Variants in DYM observed in about 807,000 individuals in gnomAD.
DYM encodes the protein dyggve-Melchior-Clausen syndrome protein.
Under a neutral mutation model 93.1 loss-of-function variants are expected in DYM, and 78 were observed. The ratio of observed to expected loss-of-function variants is 0.84; its 90% confidence interval spans 0.70 to 1.01. The LOEUF (loss-of-function observed/expected upper bound fraction) is 1.01, where lower values mean the gene tolerates loss of function less well. DYM is among the 50% of genes least tolerant of loss of function. The pLI is 0.00. For missense variants in DYM, 789 were observed against 845.0 expected, an observed-to-expected ratio of 0.93 and a Z score of 0.82; for synonymous variants, 321 against 319.7, an observed-to-expected ratio of 1.00 and a Z score of -0.04.
chr18:49,080,353 C>T (rs1293445265), intron 17 of DYM, among the ~76,000 whole-genome samples: 1 of 138,152 alleles, frequency 7.2e-6, no homozygotes, highest in Non-Finnish European at 1.6e-5. Flanking sequence ...CCCCCAACTC[C>T]CTCCCGGACG....
At position 49,221,338 on chromosome 18, in the gene DYM, G is replaced by A. The variant is rs1157897227; in HGVS notation, c.1461-11623C>T. ...GTAAACTAGTTCAACCATTGTGGAA[G>A]TCGGTGTGGCGATTCCTCAGGGATC... On this transcript the variant is annotated intron_variant, in intron 13 of 17. Transcript: ENST00000675505. Among the ~76,000 whole-genome samples, 3 of 152,118 alleles carry A rather than the reference G, an allele frequency of 2.0e-5. No homozygotes were observed. In the East Asian group the frequency reaches 5.8e-4, roughly 29 times the overall value.
In DYM at chr18:49,197,233, G is replaced by A. The variant is rs947115448; in HGVS notation, c.1625+12318C>T. On this transcript the variant is annotated intron_variant, in intron 14 of 17. Transcript: ENST00000675505. ...ATTTGGAACATATTGGCATGTGGAT[G>A]TCATGTAAAGTCATAGAAATTGATG... 2.0e-5 allele frequency among the ~76,000 whole-genome samples: 3 copies of A among 152,108 alleles called. No individual in the cohort carries two copies. The East Asian group carries it at 5.8e-4, about 29-fold the overall frequency.
chr18:49,272,134 C>G (rs767529792), intron 11 of DYM, 44 bp downstream of exon 11: 27 of 1,583,834 alleles, frequency 1.7e-5, no homozygotes, highest in Admixed American at 5.0e-5. Context: ...AGGGACATGT[C>G]TGTTCTGTTA....
chr18:49,229,560 A>C (rs1486760403), intron 13 of DYM, among the ~76,000 whole-genome samples: 1 of 152,190 alleles, frequency 6.6e-6, no homozygotes, highest in African/African-American at 2.4e-5. Flanking sequence ...ATGCAAATTA[A>C]AACCATGAGT....
chr18:49,056,857 C>A (rs557672708), intron 17 of DYM, among the ~76,000 whole-genome samples: 3 of 152,286 alleles, frequency 2.0e-5, no homozygotes, highest in Admixed American at 1.3e-4. Flanking sequence ...ACACCTGGGT[C>A]ATTTTTGTAT....
intron 2 of DYM, among the ~76,000 whole-genome samples, chr18:49,423,762 T>C (rs1304487437): frequency 6.6e-6 from 1 of 152,138 alleles, no homozygotes; most frequent in East Asian, 1.9e-4. Flanking sequence ...GAGAATACTA[T>C]AAACACCTCT....
At chr18:49,083,212 G>A (rs954150330) in intron 17 of DYM, among the ~76,000 whole-genome samples, 1 of 152,170 alleles carries the variant, frequency 6.6e-6, no homozygotes, top group Non-Finnish European at 1.5e-5. Flanking sequence ...TAGGTGGCAG[G>A]CAGGATTTGG....
Position 49,228,295 on chromosome 18 carries a change from G to A in DYM, c.1461-18580C>T, listed in dbSNP as rs1414451502. Among the ~76,000 whole-genome samples the A allele has an allele frequency of 2.0e-5, 3 of 151,994 alleles. No individual in the cohort carries two copies. The East Asian group carries it at 5.8e-4, about 29-fold the overall frequency. ...AGACTGACAAGCACAATTTAGGCTG[G>A]GCTGGGATTCAGAGTCATAACCATA... On this transcript the variant is annotated intron_variant, in intron 13 of 17. Coordinates refer to ENST00000675505, the MANE Select transcript of DYM (RefSeq NM_001353214.3).
chr18:49,367,594 C>T (rs534253216), intron 5 of DYM, among the ~76,000 whole-genome samples: 1 of 152,276 alleles, frequency 6.6e-6, no homozygotes, highest in Admixed American at 6.5e-5. Flanking sequence ...TTAAAAAGCA[C>T]TCACTGATCA....
intron 8 of DYM, among the ~76,000 whole-genome samples, chr18:49,289,590 A>G (rs968970263): frequency 6.7e-6 from 1 of 149,348 alleles, no homozygotes; most frequent in African/African-American, 2.5e-5. Flanking sequence ...TCATGCTTGT[A>G]GTCCCAGCTA....
chr18:49,141,216 G>C (rs1032767299), intron 15 of DYM, among the ~76,000 whole-genome samples: 1 of 152,114 alleles, frequency 6.6e-6, no homozygotes, highest in Non-Finnish European at 1.5e-5. Flanking sequence ...TTCCTCTTGA[G>C]TTCCAAGCCA....
At chr18:49,162,592 G>A (rs940422591) in intron 15 of DYM, among the ~76,000 whole-genome samples, 1 of 152,184 alleles carries the variant, frequency 6.6e-6, no homozygotes, top group Non-Finnish European at 1.5e-5. Context: ...CCACACTGGG[G>A]ATTAAGTTTC....
At chr18:49,175,849 A>G (rs1006052141) in intron 14 of DYM, among the ~76,000 whole-genome samples, 3 of 152,196 alleles carry the variant, frequency 2.0e-5, no homozygotes, top group Admixed American at 2.0e-4. Context: ...GCAAAAGACA[A>G]AGAAATATAT....
intron 8 of DYM, among the ~76,000 whole-genome samples, chr18:49,328,866 A>T (rs1052444116): frequency 9.9e-5 from 15 of 152,190 alleles, no homozygotes; most frequent in Non-Finnish European, 1.8e-4. Context: ...ATTGTGGAAG[A>T]CAGTGTGGCG....
chr18:49,300,082 T>TAA (rs2060817389), intron 8 of DYM, among the ~76,000 whole-genome samples: 1 of 135,110 alleles, frequency 7.4e-6, no homozygotes, highest in Admixed American at 7.9e-5. Context: ...TATATATATA[T>TAA]ATAAATATAT....
At chr18:49,454,321 A>C (rs536313068) in intron 1 of DYM, among the ~76,000 whole-genome samples, 1 of 152,288 alleles carries the variant, frequency 6.6e-6, no homozygotes, top group East Asian at 1.9e-4. Context: ...AGCAGCCCCA[A>C]ATCATTTTCT....
At chr18:49,062,460 C>T (rs144366627) in intron 17 of DYM, among the ~76,000 whole-genome samples, 2,283 of 152,326 alleles carry the variant, frequency 0.015, 20 homozygotes, top group Admixed American at 0.026. Flanking sequence ...CTGATGGACT[C>T]TTCTGGTCCT....
chr18:49,349,235 A>AC (rs1475215503), intron 6 of DYM, among the ~76,000 whole-genome samples: 1 of 152,100 alleles, frequency 6.6e-6, no homozygotes, highest in Non-Finnish European at 1.5e-5. Context: ...AAAACATAAA[A>AC]CCATAAATAT....
chr18:49,424,403 T>C (rs967281254), intron 2 of DYM, among the ~76,000 whole-genome samples: 5 of 151,990 alleles, frequency 3.3e-5, no homozygotes, highest in South Asian at 4.1e-4. Context: ...TATCTCAAAA[T>C]AGTAAGAGCT....
Sources: gnomAD v4.1 joint callset for allele counts (sites outside exome capture counted in the v4.1 genomes callset) on GRCh38, gnomAD v4.1.1 for gene constraint, MANE v1.5 for transcripts, NCBI Gene and HGNC (gene_info 2026-07-23, HGNC 2026-07-21) for gene names.